HMOX1: variants seen among roughly 807,000 people sequenced by gnomAD.
HMOX1 encodes the protein heme oxygenase 1.
HMOX1 carries 22 observed loss-of-function variants against 27.8 expected under a neutral mutation model. That is an observed-to-expected ratio of 0.79 (90% CI 0.57 to 1.13). HMOX1 has a LOEUF of 1.13. Among genes scored for constraint, HMOX1 ranks in the 50% most tolerant of loss-of-function variants. The pLI is 0.00. For missense variants in HMOX1, 379 were observed against 377.7 expected, an observed-to-expected ratio of 1.00 and a Z score of -0.03; for synonymous variants, 153 against 151.6, an observed-to-expected ratio of 1.01 and a Z score of -0.07.
At chr22:35,387,324 G>A (rs2145767480) in intron 3 of HMOX1, 148 bp downstream of exon 3, 1 of 879,926 alleles carries the variant, frequency 1.1e-6, no homozygotes, top group Non-Finnish European at 1.9e-6. Context: ...GGGTGATCTT[G>A]GGCAAATGCC....
At position 35,381,216 on chromosome 22, in the gene HMOX1, C is replaced by T. The variant is rs1299684651; in HGVS notation, c.23+20C>T. ...CGACAGGCAAGCGCGGGGCGCGGGA[C>T]GCGGGACGGGCGCCTTTCTCTCCCA... On this transcript the variant is annotated intron_variant, in intron 1 of 4. Transcript: ENST00000216117. The T allele has an allele frequency of 2.6e-6, 4 of 1,545,504 alleles. No homozygotes were observed. The Admixed American group carries it at 5.8e-5, about 22-fold the overall frequency.
intron 3 of HMOX1, among the ~76,000 whole-genome samples, chr22:35,387,495 G>T (rs1167627610): frequency 6.6e-6 from 1 of 152,236 alleles, no homozygotes; most frequent in Non-Finnish European, 1.5e-5. Flanking sequence ...GTCATAATGG[G>T]ACATGAGAAT....
At chr22:35,389,227 T>G (rs1931593615) in intron 3 of HMOX1, among the ~76,000 whole-genome samples, 1 of 129,904 alleles carries the variant, frequency 7.7e-6, no homozygotes, top group Non-Finnish European at 1.6e-5. Context: ...CTTTCTTTCT[T>G]TCTTTCTTTC....
chr22:35,392,605 TG>T (rs1931748899), intron 4 of HMOX1, among the ~76,000 whole-genome samples: 1 of 152,164 alleles, frequency 6.6e-6, no homozygotes. Flanking sequence ...AGACCTGCCC[TG>T]GACTCTGTCC....
rs911284300 is a variant in HMOX1, at chr22:35,382,988, G to A, written c.24-118G>A. ...GCTGCATCTTAAAGCGATTGAGAACGTGGCCTGAATGAGGATGGGAGTCTC... is the reference window on the plus strand; with the variant it reads ...GCTGCATCTTAAAGCGATTGAGAACATGGCCTGAATGAGGATGGGAGTCTC... On this transcript the variant is annotated intron_variant, in intron 1 of 4. Coordinates refer to ENST00000216117, the MANE Select transcript of HMOX1 (RefSeq NM_002133.3). 3.5e-5 allele frequency: 48 copies of A among 1,388,414 alleles called. No homozygotes were observed. In the East Asian group the frequency reaches 1.1e-3, roughly 31 times the overall value. 86.0% of individuals were successfully genotyped at this position (1,388,414 alleles called of 1,614,324 possible).
At position 35,387,191 on chromosome 22, in the gene HMOX1, G is replaced by T; in HGVS notation, c.636+15G>T. The stretch of plus-strand genomic sequence containing the variant: ...TCAACATCCAGGTGAGGGTCGGGCA[G>T]CCTGGGGCAGCCTCTGCCTCCCCCC... On this transcript the variant is annotated intron_variant, in intron 3 of 4. Coordinates refer to ENST00000216117, the MANE Select transcript of HMOX1 (RefSeq NM_002133.3). The T allele has an allele frequency of 4.3e-6, 7 of 1,613,104 alleles. No individual in the cohort carries two copies. Among genetic ancestry groups the T allele is most frequent in the Non-Finnish European group, 5.9e-6 (7 of 1,179,984 alleles).
At chr22:35,381,795 T>A (rs1235958033) in intron 1 of HMOX1, among the ~76,000 whole-genome samples, 1 of 152,040 alleles carries the variant, frequency 6.6e-6, no homozygotes, top group Non-Finnish European at 1.5e-5. Context: ...ACTCCTGGGC[T>A]TAAGCATCCT....
chr22:35,389,719 G>T, intron 3 of HMOX1, 145 bp from the exon 4 acceptor site: 1 of 689,320 alleles, frequency 1.5e-6, no homozygotes, highest in Non-Finnish European at 2.6e-6. Context: ...GGGATTACAG[G>T]GGCGCACCAC....
rs1477400519 is a variant in HMOX1 at position 35,387,104 on chromosome 22, C to A, written c.564C>A (p.Ser188=). ...FKQLYRSRMN[S]LEMTPAVRQR... ...AGCTCTACCGCTCCCGCATGAACTC[C>A]CTGGAGATGACTCCCGCAGTCAGGC... The change falls in exon 3 of 5, where the codon TCC becomes TCA. Residue 188 remains serine, a synonymous_variant. Coordinates refer to ENST00000216117, the MANE Select transcript of HMOX1 (RefSeq NM_002133.3). 6.2e-7 allele frequency: 1 copy of A among 1,613,520 alleles called. No homozygotes were observed. Among genetic ancestry groups the A allele is most frequent in the Non-Finnish European group, 8.5e-7 (1 of 1,180,042 alleles).
At chr22:35,393,373 C>T (rs1931771561) in intron 4 of HMOX1, 95 bp from the exon 5 acceptor site, 1 of 1,519,298 alleles carries the variant, frequency 6.6e-7, no homozygotes, top group Admixed American at 1.7e-5. Flanking sequence ...GACTGTACCA[C>T]AGACCCTGAG....
chr22:35,389,444 C>CTTTCTTTCTTTCTTTCTTTCT (rs1569057821), intron 3 of HMOX1, among the ~76,000 whole-genome samples: 2 of 109,866 alleles, frequency 1.8e-5, no homozygotes, highest in East Asian at 2.4e-4. Context: ...TTCTTTCTTT[C>CTTTCTTTCTTTCTTTCTTTCT]TTTCTTTTCT....
At chr22:35,390,254 T>C in intron 4 of HMOX1, 3 of 436,378 alleles carry the variant, frequency 6.9e-6, no homozygotes, top group South Asian at 6.2e-5. Context: ...TTGTTTGAGA[T>C]GGAGTCTCAC....
chr22:35,386,955 G>T lies in HMOX1; in HGVS notation c.415G>T (p.Gly139Cys). The change falls in exon 3 of 5, where the codon GGT becomes TGT. Residue 139 changes from glycine (G) to cysteine (C), a missense_variant. Physicochemically the swap from Gly to Cys is radical, Grantham distance 159. Coordinates refer to ENST00000216117, the MANE Select transcript of HMOX1 (RefSeq NM_002133.3). ...GGCCCACGCCTACACCCGCTACCTG[G>T]GTGACCTGTCTGGGGGCCAGGTGCT... ...LVAHAYTRYL[G>C]DLSGGQVLKK... 1 of 1,614,072 alleles carries T rather than the reference G, an allele frequency of 6.2e-7. No individual in the cohort carries two copies. The highest frequency in any genetic ancestry group is 2.2e-5 in the East Asian group (1 of 44,884).
chr22:35,389,681 T>A (rs17879082), intron 3 of HMOX1, among the ~76,000 whole-genome samples, 183 bp from the exon 4 acceptor site: 1 of 151,840 alleles, frequency 6.6e-6, no homozygotes, highest in Non-Finnish European at 1.5e-5. Context: ...TGACCCGTGA[T>A]GTGCCCATCT....
chr22:35,390,088 G>A, intron 4 of HMOX1, 125 bp downstream of exon 4: 1 of 750,112 alleles, frequency 1.3e-6, no homozygotes. Flanking sequence ...GTTTCCTGCT[G>A]CCCCACCCCA....
chr22:35,386,117 G>A (rs1216596363), intron 2 of HMOX1, among the ~76,000 whole-genome samples: 12 of 151,754 alleles, frequency 7.9e-5, no homozygotes, highest in African/African-American at 2.4e-4. Context: ...CACCACGCCC[G>A]GCTAATTTTT....
chr22:35,381,163 G>C lies in HMOX1; in HGVS notation c.-11G>C. The C allele has an allele frequency of 6.5e-7, 1 of 1,542,406 alleles. No individual in the cohort carries two copies. The highest frequency in any genetic ancestry group is 8.7e-7 in the Non-Finnish European group (1 of 1,150,002). On this transcript the variant is annotated 5_prime_UTR_variant, in exon 1 of 5. Transcript: ENST00000216117. ...CGCGGAGCCAGCACGAACGAGCCCAGCACCGGCCGGATGGAGCGTCCGCAA... is the reference window on the plus strand; with the variant it reads ...CGCGGAGCCAGCACGAACGAGCCCACCACCGGCCGGATGGAGCGTCCGCAA...
At chr22:35,387,479 A>G (rs1292570736) in intron 3 of HMOX1, among the ~76,000 whole-genome samples, 1 of 152,196 alleles carries the variant, frequency 6.6e-6, no homozygotes, top group Non-Finnish European at 1.5e-5. Flanking sequence ...TCAAACATTC[A>G]CTACTGTCAT....
At chr22:35,384,263 T>A (rs1282958095) in intron 2 of HMOX1, among the ~76,000 whole-genome samples, 3 of 152,050 alleles carry the variant, frequency 2.0e-5, no homozygotes, top group Non-Finnish European at 2.9e-5. Flanking sequence ...TGTATTTTTT[T>A]AGTAGAGACA....
Sources: gnomAD v4.1 joint callset for allele counts (sites outside exome capture counted in the v4.1 genomes callset) on GRCh38, gnomAD v4.1.1 for gene constraint, MANE v1.5 for transcripts, NCBI Gene and HGNC (gene_info 2026-07-23, HGNC 2026-07-21) for gene names.